Variants in ANKFN1 observed in about 807,000 individuals in gnomAD.
ANKFN1 encodes the protein ankyrin repeat and fibronectin type-III domain-containing protein 1.
Under a neutral mutation model 108.7 loss-of-function variants are expected in ANKFN1, and 74 were observed. The ratio of observed to expected loss-of-function variants is 0.68; its 90% CI spans 0.56 to 0.83. The LOEUF (loss-of-function observed/expected upper bound fraction) is 0.83, where lower values mean the gene tolerates loss of function less well. ANKFN1 is among the 40% of genes least tolerant of loss of function. The pLI is 0.00. For synonymous variants in ANKFN1, 547 were observed against 516.2 expected (o/e 1.06, Z -0.81); for missense variants, 1,505 against 1,382.3 (o/e 1.09, Z -1.41).
chr17:56,466,656 A>G, intron 15 of ANKFN1, 85 bp downstream of exon 15: 1 of 1,177,008 alleles, frequency 8.5e-7, no homozygotes, highest in Non-Finnish European at 1.2e-6. Flanking sequence ...TGCAAGAGCC[A>G]TTTACATATG....
rs963379506 is a variant in ANKFN1, at chr17:56,449,110, A to T, written c.1131A>T (p.Arg377Ser). The change falls in exon 11 of 21, where the codon AGA (arginine) becomes AGT (serine). Residue 377 changes from arginine to serine, a missense_variant. Transcript: ENST00000682825. Reference protein sequence around the residue: ...NWKDYDDREPRHKGQSEVLEG... With the variant: ...NWKDYDDREPSHKGQSEVLEG... ...AAGACTATGACGACAGAGAGCCCAG[A>T]CACAAGGGACAGAGTGAAGTTTTGG... 6.2e-6 allele frequency: 10 copies of T among 1,613,430 alleles called. No homozygotes were observed. The highest frequency in any genetic ancestry group is 8.5e-6 in the Non-Finnish European group (10 of 1,179,620).
At chr17:56,204,932 C>G (rs536545166) in intron 1 of ANKFN1, among the ~76,000 whole-genome samples, 2 of 151,956 alleles carry the variant, frequency 1.3e-5, no homozygotes, top group African/African-American at 4.8e-5. Context: ...AATAATTAGC[C>G]AGGCGTGGTG....
intron 3 of ANKFN1, among the ~76,000 whole-genome samples, chr17:56,280,219 T>G (rs573474596): frequency 4.1e-4 from 63 of 152,044 alleles, no homozygotes; most frequent in Admixed American, 2.0e-3. Flanking sequence ...TATTTCTACG[T>G]GTATCTGTGA....
intron 3 of ANKFN1, among the ~76,000 whole-genome samples, chr17:56,256,221 C>G (rs1391079848): frequency 6.6e-6 from 1 of 152,144 alleles, no homozygotes; most frequent in African/African-American, 2.4e-5. Flanking sequence ...AAACTCAAGT[C>G]AAGCCATTTT....
intron 3 of ANKFN1, among the ~76,000 whole-genome samples, chr17:56,236,446 C>T (rs753519280): frequency 2.0e-5 from 3 of 152,084 alleles, no homozygotes; most frequent in South Asian, 2.1e-4. Context: ...TTATTCTTTT[C>T]GTGGCAATTG....
chr17:56,453,795 CT>C (rs113373908), intron 11 of ANKFN1, among the ~76,000 whole-genome samples: 64 of 146,420 alleles, frequency 4.4e-4, no homozygotes, highest in East Asian at 1.2e-3. Context: ...GGTTGAAATC[CT>C]TTTTTTTTTT....
intron 5 of ANKFN1, 62 bp downstream of exon 5, chr17:56,351,029 G>T: frequency 6.7e-7 from 1 of 1,495,746 alleles, no homozygotes; most frequent in Non-Finnish European, 9.1e-7. Context: ...TGGGTTTAAG[G>T]ATATTCTAAG....
In ANKFN1 at chr17:56,215,314, C is replaced by A. The variant is rs555206567; in HGVS notation, c.12+2635C>A. ...TGGGCATTGTATTTAACTTCTCTGT[C>A]TGACCTTCACCACACCCAGTTTCCT... is the stretch of plus-strand genomic sequence containing the variant. On this transcript the variant is annotated intron_variant, in intron 2 of 20. Transcript: ENST00000682825. Among the ~76,000 whole-genome samples the A allele has an allele frequency of 2.0e-5, 3 of 152,360 alleles. No homozygotes were observed. In the South Asian group the frequency reaches 6.2e-4, roughly 32 times the overall value.
chr17:56,493,085 T>C (rs987670146), intron 19 of ANKFN1, among the ~76,000 whole-genome samples: 4 of 152,176 alleles, frequency 2.6e-5, no homozygotes, highest in African/African-American at 9.7e-5. Flanking sequence ...TCAGTTCAAT[T>C]TGATAAACCT....
At chr17:56,289,518 G>A (rs1351380364) in intron 3 of ANKFN1, among the ~76,000 whole-genome samples, 1 of 152,158 alleles carries the variant, frequency 6.6e-6, no homozygotes, top group Non-Finnish European at 1.5e-5. Flanking sequence ...ACAGGGCAGG[G>A]CATCTCAATT....
At chr17:56,179,999 A>T (rs1365268052) in intron 1 of ANKFN1, among the ~76,000 whole-genome samples, 1 of 152,198 alleles carries the variant, frequency 6.6e-6, no homozygotes, top group Non-Finnish European at 1.5e-5. Flanking sequence ...CTTTTGTATG[A>T]CTGAATACTC....
chr17:56,046,936 C>CA (rs1364849713), intron 4 of ANKFN1, among the ~76,000 whole-genome samples: 3 of 152,156 alleles, frequency 2.0e-5, no homozygotes, highest in African/African-American at 7.2e-5. Context: ...GGTATTTCAA[C>CA]ATTGACACCT....
At chr17:56,170,303 C>T (rs939750262) in intron 1 of ANKFN1, among the ~76,000 whole-genome samples, 9 of 152,086 alleles carry the variant, frequency 5.9e-5, no homozygotes, top group Admixed American at 3.3e-4. Flanking sequence ...AAGATAGACA[C>T]CTAAGCCAAT....
At chr17:56,374,894 G>T (rs1248362074) in intron 8 of ANKFN1, among the ~76,000 whole-genome samples, 180 bp downstream of exon 8, 1 of 152,196 alleles carries the variant, frequency 6.6e-6, no homozygotes, top group African/African-American at 2.4e-5. Flanking sequence ...AAGTGACTGA[G>T]AATGTCACAG....
intron 15 of ANKFN1, 28 bp from the exon 16 acceptor site, chr17:56,477,460 C>CTTT: frequency 1.6e-5 from 22 of 1,347,540 alleles, no homozygotes; most frequent in South Asian, 6.8e-5. Flanking sequence ...TTCTTGTTTT[C>CTTT]TTTTTTTTTT....
In ANKFN1 at chr17:56,449,153, G is replaced by T; in HGVS notation, c.1174G>T (p.Val392Phe). The change falls in exon 11 of 21, where the codon GTC (valine) becomes TTC (phenylalanine). Residue 392 changes from valine to phenylalanine, a missense_variant. By Grantham distance (50) the Val-to-Phe change is conservative. Transcript: ENST00000682825. The part of the protein sequence containing the change: ...SEVLEGLLQQ[V>F]RALHQHYSCR... ...AGTTTTGGAAGGTCTGCTGCAGCAG[G>T]TCCGAGCCCTTCATCAGCATTACAG... 1.2e-6 allele frequency: 2 copies of T among 1,613,524 alleles called. No individual in the cohort carries two copies. Among genetic ancestry groups the T allele is most frequent in the Non-Finnish European group, 1.7e-6 (2 of 1,179,644 alleles).
rs1421043333 is a variant in ANKFN1, at chr17:56,139,419, C to T, written c.289-88498C>T. On this transcript the variant is annotated intron_variant, in intron 4 of 12. Coordinates refer to the ANKFN1 transcript ENST00000635860. ...GTTGAATATTGCATTCAAAGACTGA[C>T]AGGCTTGAGGAAATGTTGTGCCATT... Among the ~76,000 whole-genome samples the T allele has an allele frequency of 2.0e-5, 3 of 152,146 alleles. No homozygotes were observed. In the East Asian group the frequency reaches 5.8e-4, roughly 29 times the overall value.
intron 4 of ANKFN1, among the ~76,000 whole-genome samples, chr17:56,056,690 C>A (rs116972513): frequency 6.6e-6 from 1 of 152,312 alleles, no homozygotes; most frequent in Non-Finnish European, 1.5e-5. Context: ...TGAATTAAGA[C>A]TTAAATGTAA....
intron 3 of ANKFN1, among the ~76,000 whole-genome samples, chr17:56,323,017 AAGG>A (rs1247381603): frequency 6.6e-6 from 1 of 152,200 alleles, no homozygotes; most frequent in Non-Finnish European, 1.5e-5. Context: ...GTAGTGGCTG[AAGG>A]AGAAAGATGC....
Sources: gnomAD v4.1 joint callset for allele counts (sites outside exome capture counted in the v4.1 genomes callset) on GRCh38, gnomAD v4.1.1 for gene constraint, MANE v1.5 for transcripts, NCBI Gene and HGNC (gene_info 2026-07-23, HGNC 2026-07-21) for gene names.